The following DMBT1 variants were observed in gnomAD, a reference collection of about 807,000 sequenced individuals.
DMBT1 encodes the protein scavenger receptor cysteine-rich domain-containing protein DMBT1.
Under a neutral mutation model 252.9 loss-of-function variants are expected in DMBT1, and 198 were observed. The observed-to-expected ratio is 0.78, with a 90% confidence interval of 0.70 to 0.88. The LOEUF (loss-of-function observed/expected upper bound fraction) is 0.88, where lower values mean the gene tolerates loss of function less well. Among genes scored for constraint, DMBT1 ranks in the 40% least tolerant of loss-of-function variants. DMBT1 has a pLI of 0.00. For synonymous variants in DMBT1, 990 were observed against 942.7 expected, an observed-to-expected ratio of 1.05 and a Z score of -0.92; for missense variants, 2,432 against 2,404.7, an observed-to-expected ratio of 1.01 and a Z score of -0.24.
intron 1 of DMBT1, among the ~76,000 whole-genome samples, 165 bp from the exon 2 acceptor site, chr10:122,565,802 G>A (rs1465480958): frequency 2.0e-5 from 3 of 152,188 alleles, no homozygotes; most frequent in South Asian, 2.1e-4. Flanking sequence ...GCTTTAATCC[G>A]CTATTGCAGA....
intron 44 of DMBT1, among the ~76,000 whole-genome samples, chr10:122,621,643 T>A (rs1056337560): frequency 6.6e-6 from 1 of 151,570 alleles, no homozygotes; most frequent in Non-Finnish European, 1.5e-5. Flanking sequence ...GAAGAAAAAA[T>A]TTCTGGCTCC....
intron 41 of DMBT1, among the ~76,000 whole-genome samples, chr10:122,618,717 G>A (rs946961874): frequency 6.6e-6 from 1 of 152,240 alleles, no homozygotes; most frequent in Non-Finnish European, 1.5e-5. Context: ...TCACTACAAG[G>A]AACTGTGAAC....
intron 53 of DMBT1, 70 bp downstream of exon 53, chr10:122,636,269 CTGT>C (rs1249481243): frequency 1.5e-6 from 2 of 1,373,288 alleles, no homozygotes; most frequent in Non-Finnish European, 2.0e-6. Context: ...CTCAACTGTC[CTGT>C]TGTTGTGAAA....
At chr10:122,635,601 A>C (rs1035931570) in intron 52 of DMBT1, among the ~76,000 whole-genome samples, 2 of 152,174 alleles carry the variant, frequency 1.3e-5, no homozygotes, top group Admixed American at 1.3e-4. Flanking sequence ...CCCAAACTGG[A>C]GTGCAGTGGC....
At chr10:122,598,640 A>G (rs986944878) in intron 25 of DMBT1, 134 bp from the exon 26 acceptor site, 185 of 1,538,664 alleles carry the variant, frequency 1.2e-4, no homozygotes, top group South Asian at 2.9e-4. Flanking sequence ...TGAATCTCTG[A>G]TTTTATTCAT....
chr10:122,635,884 C>A (rs926445561), intron 52 of DMBT1, 107 bp from the exon 53 acceptor site: 17 of 1,219,462 alleles, frequency 1.4e-5, no homozygotes, highest in Non-Finnish European at 1.9e-5. Flanking sequence ...CATCGATGAA[C>A]TTTGTCAGAG....
At chr10:122,597,499 C>T (rs943090671) in intron 24 of DMBT1, among the ~76,000 whole-genome samples, 13 of 152,178 alleles carry the variant, frequency 8.5e-5, no homozygotes, top group Admixed American at 6.5e-5. Context: ...TCACTCCTTC[C>T]AACACCCCAG....
At chr10:122,577,147 C>T (rs1010204078) in intron 7 of DMBT1, among the ~76,000 whole-genome samples, 14 of 152,172 alleles carry the variant, frequency 9.2e-5, no homozygotes, top group African/African-American at 2.4e-4. Context: ...TTATTCTGCT[C>T]CAGGAACATC....
intron 10 of DMBT1, 59 bp downstream of exon 10, chr10:122,579,960 T>A: frequency 1.2e-6 from 2 of 1,611,018 alleles, no homozygotes; most frequent in East Asian, 2.2e-5. Context: ...CAAAAGAAAC[T>A]CCTAATTACA....
At chr10:122,579,516 C>A (rs1254873011) in intron 9 of DMBT1, 62 bp from the exon 10 acceptor site, 2 of 1,609,614 alleles carry the variant, frequency 1.2e-6, no homozygotes, top group Non-Finnish European at 1.7e-6. Context: ...GAGTGTGGAA[C>A]TTACCTTAGA....
At chr10:122,578,928 G>A (rs2097737979) in intron 9 of DMBT1, among the ~76,000 whole-genome samples, 169 bp downstream of exon 9, 1 of 152,122 alleles carries the variant, frequency 6.6e-6, no homozygotes, top group Non-Finnish European at 1.5e-5. Flanking sequence ...TCGGCACTGG[G>A]AACAAGAGCA....
chr10:122,575,236 C>A (rs181882876), intron 6 of DMBT1, among the ~76,000 whole-genome samples: 144 of 152,306 alleles, frequency 9.5e-4, no homozygotes, highest in Admixed American at 3.3e-3. Context: ...CAATTAGAGG[C>A]CTAAGCATGG....
chr10:122,598,940 A>G lies in DMBT1; in HGVS notation c.3123A>G (p.Ser1041=), dbSNP rs779054957. ...CRQLGCGWAM[S]APGNARFGQG... ...AACTGGGCTGTGGCTGGGCCATGTCAGCCCCAGGAAATGCCCGGTTTGGTC... is the reference window on the plus strand; with the variant it reads ...AACTGGGCTGTGGCTGGGCCATGTCGGCCCCAGGAAATGCCCGGTTTGGTC... The change falls in exon 26 of 56, where the codon TCA becomes TCG. Residue 1041 remains serine, a synonymous_variant. Transcript: ENST00000338354. 4.3e-5 allele frequency: 70 copies of G among 1,613,668 alleles called. No homozygotes were observed. Among genetic ancestry groups the G allele is most frequent in the East Asian group, 6.7e-5 (3 of 44,874 alleles).
At chr10:122,578,829 C>T (rs1421617116) in intron 9 of DMBT1, 70 bp downstream of exon 9, 2 of 1,433,148 alleles carry the variant, frequency 1.4e-6, no homozygotes, top group East Asian at 2.4e-5. Flanking sequence ...TTTCATAGTT[C>T]ACTTATGATT....
chr10:122,643,456 G>A lies in DMBT1; in HGVS notation c.*58G>A. ...GCGCAGACCCCTGACTCGGGGACTT[G>A]GGATGTTCCTCTTGGTGTCATATTC... On this transcript the variant is annotated 3_prime_UTR_variant, in exon 56 of 56. Coordinates refer to ENST00000338354, the MANE Select transcript of DMBT1 (RefSeq NM_001377530.1). The A allele has an allele frequency of 6.5e-7, 1 of 1,543,634 alleles. No individual in the cohort carries two copies. The highest frequency in any genetic ancestry group is 1.2e-5 in the South Asian group (1 of 83,466).
At chr10:122,635,325 G>C (rs2098217776) in intron 52 of DMBT1, among the ~76,000 whole-genome samples, 1 of 152,104 alleles carries the variant, frequency 6.6e-6, no homozygotes, top group Non-Finnish European at 1.5e-5. Context: ...CATGCATATT[G>C]ATTTTATTCT....
At chr10:122,634,445 TCTCTCTCTC>T (rs1566008113) in intron 52 of DMBT1, among the ~76,000 whole-genome samples, 11 of 65,026 alleles carry the variant, frequency 1.7e-4, no homozygotes, top group African/African-American at 9.0e-4. Context: ...TCTCTCTCTC[TCTCTCTCTC>T]TCTCTCTCTC....
chr10:122,636,264 C>G, intron 53 of DMBT1, 65 bp downstream of exon 53: 1 of 1,404,190 alleles, frequency 7.1e-7, no homozygotes, highest in Non-Finnish European at 1.0e-6. Context: ...TGTGGCTCAA[C>G]TGTCCTGTTG....
chr10:122,567,351 A>AG (rs1314234866), intron 2 of DMBT1, among the ~76,000 whole-genome samples: 1 of 152,216 alleles, frequency 6.6e-6, no homozygotes, highest in African/African-American at 2.4e-5. Context: ...TGCTCGTAAG[A>AG]GGGGCCCTTC....
Sources: gnomAD v4.1 joint callset for allele counts (sites outside exome capture counted in the v4.1 genomes callset) on GRCh38, gnomAD v4.1.1 for gene constraint, MANE v1.5 for transcripts, NCBI Gene and HGNC (gene_info 2026-07-23, HGNC 2026-07-21) for gene names.